Variants in DPP6 observed in about 807,000 individuals in gnomAD.
DPP6 encodes dipeptidyl peptidase like 6.
DPP6 carries 69 observed loss-of-function variants against 122.6 expected under a neutral mutation model. The ratio of observed to expected loss-of-function variants is 0.56; its 90% CI spans 0.46 to 0.69. DPP6 has a LOEUF of 0.69. Among genes scored for constraint, DPP6 ranks in the 30% least tolerant of loss-of-function variants. DPP6 has a pLI of 0.00. For synonymous variants in DPP6, 418 were observed against 433.1 expected (o/e 0.97, Z 0.43); for missense variants, 928 against 1,116.9 (o/e 0.83, Z 2.41).
chr7:154,419,699 G>A (rs1027595005), intron 1 of DPP6, among the ~76,000 whole-genome samples: 6 of 152,176 alleles, frequency 3.9e-5, no homozygotes, highest in East Asian at 1.9e-4. Context: ...AACAGCCCTC[G>A]AATTTTGAAG....
intron 3 of DPP6, among the ~76,000 whole-genome samples, chr7:154,499,247 C>G (rs1262333314): frequency 1.3e-5 from 2 of 152,148 alleles, no homozygotes; most frequent in Non-Finnish European, 2.9e-5. Context: ...TTTCACTGAC[C>G]TCAATGATAA....
intron 1 of DPP6, among the ~76,000 whole-genome samples, chr7:154,431,415 C>A (rs67240868): frequency 0.36 from 53,783 of 147,918 alleles, 10,318 homozygotes; most frequent in Middle Eastern, 0.42. Context: ...GTCGTCAAAA[C>A]CTCATGTCAG....
chr7:154,510,967 CACACAG>C (rs1322392144), intron 3 of DPP6, among the ~76,000 whole-genome samples: 10 of 123,022 alleles, frequency 8.1e-5, no homozygotes, highest in South Asian at 2.6e-4. Context: ...CACACACACA[CACACAG>C]AGAGAGAGAG....
At chr7:154,883,291 C>T (rs146015974) in intron 21 of DPP6, among the ~76,000 whole-genome samples, 21 of 68,116 alleles carry the variant, frequency 3.1e-4, no homozygotes, top group African/African-American at 1.1e-3. Context: ...CACACATACA[C>T]ACACATGCTC....
chr7:154,836,945 G>A (rs181523519), intron 16 of DPP6, among the ~76,000 whole-genome samples: 4 of 152,296 alleles, frequency 2.6e-5, no homozygotes, highest in Admixed American at 6.5e-5. Flanking sequence ...GACCTCAGGC[G>A]ATCTGCCAGC....
At chr7:154,751,805 G>A (rs1206674622) in intron 8 of DPP6, among the ~76,000 whole-genome samples, 3 of 152,080 alleles carry the variant, frequency 2.0e-5, no homozygotes, top group Non-Finnish European at 1.5e-5. Flanking sequence ...TCCTCTGAGA[G>A]GGAAGAAGCA....
chr7:154,862,170 G>GC (rs1458599605), intron 17 of DPP6, among the ~76,000 whole-genome samples: 2 of 152,160 alleles, frequency 1.3e-5, no homozygotes, highest in East Asian at 1.9e-4. Context: ...TGTACAAGAT[G>GC]CCCCAGGGAC....
intron 6 of DPP6, among the ~76,000 whole-genome samples, chr7:154,646,666 T>C (rs1836504047): frequency 6.6e-6 from 1 of 152,212 alleles, no homozygotes. Flanking sequence ...ATGTATTGCT[T>C]GACTTCTTTC....
At chr7:154,825,694 A>G (rs948567458) in intron 16 of DPP6, among the ~76,000 whole-genome samples, 2 of 152,212 alleles carry the variant, frequency 1.3e-5, no homozygotes, top group South Asian at 4.1e-4. Context: ...CCGTGCCCCA[A>G]CTGCCACACT....
the DPP6 span, among the ~76,000 whole-genome samples, chr7:153,850,260 T>C: frequency 2.0e-5 from 3 of 152,150 alleles, no homozygotes; most frequent in Non-Finnish European, 4.4e-5. Context: ...GAGATCTGCT[T>C]CCACACTCCT....
At chr7:154,207,143 A>G (rs1799492834) in intron 1 of DPP6, among the ~76,000 whole-genome samples, 2 of 152,124 alleles carry the variant, frequency 1.3e-5, no homozygotes, top group Non-Finnish European at 2.9e-5. Context: ...AGCCACATTA[A>G]CACACCCACA....
chr7:153,855,393 T>C, the DPP6 span, among the ~76,000 whole-genome samples: 1 of 152,202 alleles, frequency 6.6e-6, no homozygotes, highest in African/African-American at 2.4e-5. Flanking sequence ...CTGTTCTTAT[T>C]TATTTGTGTG....
At chr7:154,660,381 G>A (rs558896969) in intron 6 of DPP6, among the ~76,000 whole-genome samples, 7 of 150,352 alleles carry the variant, frequency 4.7e-5, no homozygotes, top group African/African-American at 1.8e-4. Context: ...TAGTCATGGT[G>A]AATCACCATG....
chr7:154,128,814 T>A (rs1323291756), intron 1 of DPP6, among the ~76,000 whole-genome samples: 1 of 149,842 alleles, frequency 6.7e-6, no homozygotes, highest in Non-Finnish European at 1.5e-5. Flanking sequence ...CAAATCTGAT[T>A]GTTACTGCTG....
intron 6 of DPP6, among the ~76,000 whole-genome samples, chr7:154,654,403 A>ATCTTTCTTTCTT (rs532655926): frequency 5.4e-5 from 2 of 37,312 alleles, no homozygotes; most frequent in Non-Finnish European, 1.6e-4. Flanking sequence ...CTATATCCAA[A>ATCTTTCTTTCTT]TCTTTCTTTC....
chr7:154,335,744 A>G (rs989707321), intron 1 of DPP6, among the ~76,000 whole-genome samples: 1 of 152,140 alleles, frequency 6.6e-6, no homozygotes, highest in Non-Finnish European at 1.5e-5. Context: ...CTAATGTGGA[A>G]TTCTACAGGT....
At chr7:154,882,854 G>C (rs1195369421) in intron 21 of DPP6, among the ~76,000 whole-genome samples, 1 of 152,202 alleles carries the variant, frequency 6.6e-6, no homozygotes, top group Non-Finnish European at 1.5e-5. Flanking sequence ...CATTAGACAA[G>C]GTGCCCCTGC....
intron 1 of DPP6, among the ~76,000 whole-genome samples, chr7:154,288,006 C>A (rs921651637): frequency 4.6e-5 from 7 of 152,200 alleles, no homozygotes; most frequent in African/African-American, 1.7e-4. Flanking sequence ...TACTCCCACC[C>A]AGAGGAATGA....
At chr7:154,792,554 A>T (rs1525755) in intron 10 of DPP6, among the ~76,000 whole-genome samples, 110,153 of 152,206 alleles carry the variant, frequency 0.72, 40,262 homozygotes, top group African/African-American at 0.84. Flanking sequence ...GGACCTTTGT[A>T]GAATGTTGCT....
Sources: allele counts gnomAD v4.1 joint callset (sites outside exome capture counted in the v4.1 genomes callset), GRCh38; gene constraint gnomAD v4.1.1; transcripts MANE v1.5; gene names NCBI Gene and HGNC (gene_info 2026-07-23, HGNC 2026-07-21).